TMEM117: variants seen among roughly 807,000 people sequenced by gnomAD.
The protein encoded by TMEM117 is transmembrane protein 117.
Under a neutral mutation model 52.4 loss-of-function variants are expected in TMEM117, and 27 were observed. The observed-to-expected ratio is 0.51, with a 90% CI of 0.38 to 0.71. TMEM117 has a LOEUF of 0.71. TMEM117 is among the 30% of genes least tolerant of loss of function. The pLI is 0.00. For missense variants in TMEM117, 556 were observed against 630.5 expected (o/e 0.88, Z 1.26); for synonymous variants, 215 against 206.3 (o/e 1.04, Z -0.36).
chr12:43,956,460 C>T lies in TMEM117; in HGVS notation c.410+12118C>T, dbSNP rs575163650. On this transcript the variant is annotated intron_variant, in intron 3 of 7. Coordinates refer to ENST00000266534, the MANE Select transcript of TMEM117 (RefSeq NM_032256.3). ...CAAATTTACAAGGTAAAAACACAAC[C>T]CTGTTAAAAAGTGGGCAAAGGATAT... Among the ~76,000 whole-genome samples the T allele has an allele frequency of 9.0e-5, 13 of 144,984 alleles. 1 individual carries two copies. In the East Asian group the frequency reaches 2.6e-3, roughly 30 times the overall value.
chr12:43,950,561 T>C (rs1945203901), intron 3 of TMEM117, among the ~76,000 whole-genome samples: 1 of 150,392 alleles, frequency 6.6e-6, no homozygotes, highest in Non-Finnish European at 1.5e-5. Flanking sequence ...AAAAAAAAAG[T>C]GTACTTTTGT....
chr12:44,124,336 T>C lies in TMEM117; in HGVS notation c.411-19189T>C, dbSNP rs535166634. Among the ~76,000 whole-genome samples, 12 of 152,326 alleles carry C rather than the reference T, an allele frequency of 7.9e-5. No individual in the cohort carries two copies. The East Asian group carries it at 2.3e-3, about 29-fold the overall frequency. On this transcript the variant is annotated intron_variant, in intron 3 of 7. Coordinates refer to ENST00000266534, the MANE Select transcript of TMEM117 (RefSeq NM_032256.3). ...ATGGGGTTTTCTAGATATAGGATCA[T>C]GTCATCTGCAAGCAAAGACAATTTG...
chr12:44,298,949 A>T (rs906797538), intron 5 of TMEM117, among the ~76,000 whole-genome samples: 3 of 150,482 alleles, frequency 2.0e-5, no homozygotes, highest in Non-Finnish European at 4.4e-5. Context: ...CTTACATTGC[A>T]TGTCCACTAC....
At chr12:44,195,048 A>G (rs1489325551) in intron 4 of TMEM117, among the ~76,000 whole-genome samples, 4 of 152,228 alleles carry the variant, frequency 2.6e-5, no homozygotes, top group Non-Finnish European at 5.9e-5. Context: ...ACTTAACAGC[A>G]TTAAACAAGA....
At chr12:44,361,039 A>G (rs1386058744) in intron 6 of TMEM117, among the ~76,000 whole-genome samples, 1 of 152,168 alleles carries the variant, frequency 6.6e-6, no homozygotes, top group Non-Finnish European at 1.5e-5. Context: ...ACAGTCTAAC[A>G]AGCAGGGTCT....
intron 3 of TMEM117, among the ~76,000 whole-genome samples, chr12:44,085,357 C>T (rs1171454956): frequency 6.6e-6 from 1 of 152,028 alleles, no homozygotes; most frequent in African/African-American, 2.4e-5. Flanking sequence ...CATATTATAA[C>T]CACAGATTAA....
At chr12:43,821,059 C>T in the TMEM117 span, among the ~76,000 whole-genome samples, 3 of 149,302 alleles carry the variant, frequency 2.0e-5, no homozygotes, top group Non-Finnish European at 4.4e-5. Context: ...CGCGCCACTG[C>T]ACTCTAGCCT....
At chr12:44,204,009 C>T (rs949742885) in intron 4 of TMEM117, among the ~76,000 whole-genome samples, 1 of 152,000 alleles carries the variant, frequency 6.6e-6, no homozygotes, top group African/African-American at 2.4e-5. Flanking sequence ...AGAACCGGAA[C>T]AAGACAAGGA....
At chr12:44,250,424 A>G (rs540372000) in intron 5 of TMEM117, among the ~76,000 whole-genome samples, 27 of 152,248 alleles carry the variant, frequency 1.8e-4, no homozygotes, top group Non-Finnish European at 3.7e-4. Flanking sequence ...GTGGAATACA[A>G]TGTGGCAATT....
chr12:43,976,285 A>C (rs961206753), intron 3 of TMEM117, among the ~76,000 whole-genome samples: 1 of 152,164 alleles, frequency 6.6e-6, no homozygotes, highest in Non-Finnish European at 1.5e-5. Context: ...CATGTTGCCC[A>C]GTCTGTCCTG....
At chr12:43,843,704 G>A (rs1943152674) in intron 1 of TMEM117, among the ~76,000 whole-genome samples, 1 of 152,092 alleles carries the variant, frequency 6.6e-6, no homozygotes, top group African/African-American at 2.4e-5. Context: ...CCTTAAACTT[G>A]GGGATATCCT....
intron 6 of TMEM117, among the ~76,000 whole-genome samples, chr12:44,342,339 A>G (rs1951428757): frequency 6.6e-6 from 1 of 152,130 alleles, no homozygotes; most frequent in African/African-American, 2.4e-5. Context: ...CTTCCAGCTG[A>G]TGGATTCTGG....
intron 2 of TMEM117, among the ~76,000 whole-genome samples, chr12:43,886,814 G>A (rs1292431760): frequency 1.3e-5 from 2 of 152,054 alleles, no homozygotes; most frequent in African/African-American, 4.8e-5. Context: ...GCCCCAGTGT[G>A]AATTGTTCCG....
At chr12:43,796,535 T>C in the TMEM117 span, among the ~76,000 whole-genome samples, 1 of 152,242 alleles carries the variant, frequency 6.6e-6, no homozygotes, top group South Asian at 2.1e-4. Flanking sequence ...AACCATCCCA[T>C]AATTCAGTCA....
chr12:43,947,101 AGGC>A (rs1945145988), intron 3 of TMEM117, among the ~76,000 whole-genome samples: 2 of 152,234 alleles, frequency 1.3e-5, no homozygotes, highest in African/African-American at 4.8e-5. Context: ...TGGGAGGCTG[AGGC>A]AGCAGGATCA....
intron 2 of TMEM117, among the ~76,000 whole-genome samples, chr12:43,936,605 A>G (rs897316646): frequency 1.3e-5 from 2 of 152,228 alleles, no homozygotes; most frequent in African/African-American, 2.4e-5. Flanking sequence ...GGAAGAAGGG[A>G]TGCCCAAAAT....
intron 6 of TMEM117, among the ~76,000 whole-genome samples, chr12:44,326,181 G>GTTTTGT (rs1343439962): frequency 6.6e-6 from 1 of 151,090 alleles, no homozygotes; most frequent in Non-Finnish European, 1.5e-5. Flanking sequence ...TTTTGTTTTT[G>GTTTTGT]TTTTTGTTTT....
intron 3 of TMEM117, among the ~76,000 whole-genome samples, chr12:43,971,822 AG>A (rs1945592268): frequency 6.6e-6 from 1 of 152,230 alleles, no homozygotes; most frequent in African/African-American, 2.4e-5. Context: ...TGTTAACTGT[AG>A]GCACAATGTT....
intron 2 of TMEM117, among the ~76,000 whole-genome samples, chr12:43,871,370 C>G (rs1347494822): frequency 6.6e-6 from 1 of 152,210 alleles, no homozygotes; most frequent in Non-Finnish European, 1.5e-5. Flanking sequence ...TCCCAAAGTA[C>G]TAGGATTGCA....
Sources: allele counts gnomAD v4.1 joint callset (sites outside exome capture counted in the v4.1 genomes callset), GRCh38; gene constraint gnomAD v4.1.1; transcripts MANE v1.5; gene names NCBI Gene and HGNC (gene_info 2026-07-23, HGNC 2026-07-21).